CDH12: variants seen among roughly 807,000 people sequenced by gnomAD.
CDH12 encodes cadherin 12.
In CDH12, 41 loss-of-function variants were observed where a neutral mutation model predicts 74.1. The observed-to-expected ratio is 0.55, with a 90% CI of 0.43 to 0.72. The LOEUF (loss-of-function observed/expected upper bound fraction) is 0.72, where lower values mean the gene tolerates loss of function less well. Among genes scored for constraint, CDH12 ranks in the 30% least tolerant of loss-of-function variants. CDH12 has a pLI of 0.00. For synonymous variants in CDH12, 399 were observed against 355.0 expected (o/e 1.12, Z -1.39); for missense variants, 945 against 977.2 (o/e 0.97, Z 0.44).
chr5:21,760,466 T>G (rs1744654063), intron 13 of CDH12, 92 bp downstream of exon 13: 1 of 702,394 alleles, frequency 1.4e-6, no homozygotes. Flanking sequence ...TTTATGAAAT[T>G]AAGTGCTTCA....
At chr5:22,357,271 A>G (rs1740604039) in intron 3 of CDH12, among the ~76,000 whole-genome samples, 1 of 152,064 alleles carries the variant, frequency 6.6e-6, no homozygotes, top group African/African-American at 2.4e-5. Flanking sequence ...AGCTACTGTC[A>G]ATTATTTCTG....
intron 6 of CDH12, among the ~76,000 whole-genome samples, chr5:21,942,389 CAT>C (rs559474529): frequency 0.015 from 1,753 of 116,738 alleles, 67 homozygotes; most frequent in African/African-American, 0.052. Flanking sequence ...CACACACACA[CAT>C]ATATATGTGT....
At chr5:22,290,231 G>C (rs1331845273) in intron 3 of CDH12, among the ~76,000 whole-genome samples, 1 of 152,242 alleles carries the variant, frequency 6.6e-6, no homozygotes, top group Non-Finnish European at 1.5e-5. Flanking sequence ...TAAAGTTAAT[G>C]ATCAATCAGG....
chr5:22,819,007 G>A (rs2126469140), intron 1 of CDH12, among the ~76,000 whole-genome samples: 1 of 152,166 alleles, frequency 6.6e-6, no homozygotes, highest in East Asian at 1.9e-4. Context: ...TAGTATGGTA[G>A]TTCAGGAACA....
At chr5:22,776,283 A>T (rs1221027512) in intron 1 of CDH12, among the ~76,000 whole-genome samples, 1 of 152,148 alleles carries the variant, frequency 6.6e-6, no homozygotes, top group Non-Finnish European at 1.5e-5. Flanking sequence ...ACTTTACATG[A>T]CTATATTTTT....
chr5:22,202,655 G>C, intron 4 of CDH12, among the ~76,000 whole-genome samples: 1 of 152,082 alleles, frequency 6.6e-6, no homozygotes, highest in Non-Finnish European at 1.5e-5. Context: ...GTGAACACTT[G>C]TCCACGTCAG....
At chr5:21,977,952 T>C (rs1420502598) in intron 5 of CDH12, among the ~76,000 whole-genome samples, 1 of 136,162 alleles carries the variant, frequency 7.3e-6, no homozygotes, top group Non-Finnish European at 1.5e-5. Flanking sequence ...TAAGTGTTAA[T>C]GCTGATTAAT....
intron 1 of CDH12, among the ~76,000 whole-genome samples, chr5:22,846,433 A>T (rs1173901946): frequency 6.6e-6 from 1 of 152,194 alleles, no homozygotes; most frequent in Admixed American, 6.5e-5. Context: ...TGGGCCTATG[A>T]TGGTATCCTG....
intron 3 of CDH12, among the ~76,000 whole-genome samples, chr5:22,341,406 T>C (rs914881324): frequency 9.8e-5 from 15 of 152,330 alleles, no homozygotes; most frequent in African/African-American, 3.1e-4. Context: ...ACAGGCATCC[T>C]TTAGAGCTAC....
chr5:22,724,333 C>T (rs1349286177), intron 1 of CDH12, among the ~76,000 whole-genome samples: 3 of 151,780 alleles, frequency 2.0e-5, no homozygotes, highest in Non-Finnish European at 4.4e-5. Flanking sequence ...GCACTCATCA[C>T]CTGAGCAGTG....
intron 2 of CDH12, among the ~76,000 whole-genome samples, chr5:22,489,337 G>A (rs951040916): frequency 6.5e-4 from 98 of 151,850 alleles, no homozygotes; most frequent in African/African-American, 2.2e-3. Context: ...GATTACAGGC[G>A]TGAGCCACCA....
At chr5:22,027,541 G>A (rs1738452359) in intron 5 of CDH12, among the ~76,000 whole-genome samples, 1 of 152,100 alleles carries the variant, frequency 6.6e-6, no homozygotes, top group South Asian at 2.1e-4. Flanking sequence ...GTTTAGTCTT[G>A]GGAGGGTGTA....
chr5:22,345,143 G>C (rs78681913), intron 3 of CDH12, among the ~76,000 whole-genome samples: 3,848 of 152,184 alleles, frequency 0.025, 104 homozygotes, highest in East Asian at 0.11. Flanking sequence ...GGCCCATGGT[G>C]TTCCTATTCT....
chr5:21,812,943 A>C (rs1222227486), intron 9 of CDH12, among the ~76,000 whole-genome samples: 3 of 152,158 alleles, frequency 2.0e-5, no homozygotes, highest in Non-Finnish European at 4.4e-5. Context: ...TTAGGCTCTG[A>C]AGTCTCAAAT....
intron 4 of CDH12, among the ~76,000 whole-genome samples, chr5:22,153,156 GTTCTT>G (rs1388783952): frequency 6.8e-6 from 1 of 147,480 alleles, no homozygotes; most frequent in Non-Finnish European, 1.5e-5. Context: ...TCATACGATA[GTTCTT>G]TTCTTTTCGT....
chr5:22,783,218 C>CTA (rs1316039661), intron 1 of CDH12, among the ~76,000 whole-genome samples: 1 of 151,978 alleles, frequency 6.6e-6, no homozygotes, highest in Non-Finnish European at 1.5e-5. Context: ...GCACGTGCCA[C>CTA]TTTAAATGTT....
At chr5:22,545,505 C>A (rs561628331) in intron 1 of CDH12, among the ~76,000 whole-genome samples, 94 of 152,228 alleles carry the variant, frequency 6.2e-4, no homozygotes, top group Non-Finnish European at 1.2e-3. Flanking sequence ...ACTTGGGGAA[C>A]AAGAATAGCA....
intron 6 of CDH12, among the ~76,000 whole-genome samples, chr5:21,964,597 C>CTATTTTA (rs1326627158): frequency 1.3e-5 from 2 of 151,828 alleles, no homozygotes; most frequent in Non-Finnish European, 2.9e-5. Context: ...ATAAAAAGAA[C>CTATTTTA]TATTTTACTC....
chr5:22,143,767 A>T (rs1561157115), intron 4 of CDH12: 1 of 152,222 alleles, frequency 6.6e-6, no homozygotes, highest in South Asian at 2.1e-4. Context: ...AATCTTTCAG[A>T]TAAGAGGTGT....
Sources: allele counts gnomAD v4.1 joint callset (sites outside exome capture counted in the v4.1 genomes callset), GRCh38; gene constraint gnomAD v4.1.1; transcripts MANE v1.5; gene names NCBI Gene and HGNC (gene_info 2026-07-23, HGNC 2026-07-21).